The following SYBU variants were observed in gnomAD, a reference collection of about 807,000 sequenced individuals.
SYBU encodes syntabulin.
SYBU carries 21 observed loss-of-function variants against 35.9 expected under a neutral mutation model. That is an observed-to-expected ratio of 0.58 (90% CI 0.41 to 0.84). SYBU has a LOEUF of 0.84. Among genes scored for constraint, SYBU ranks in the 40% least tolerant of loss-of-function variants. SYBU has a pLI of 0.00. For missense variants in SYBU, 768 were observed against 848.2 expected (o/e 0.91, Z 1.17); for synonymous variants, 319 against 324.3 (o/e 0.98, Z 0.18).
chr8:109,624,594 T>C (rs1346417234), intron 2 of SYBU, among the ~76,000 whole-genome samples: 1 of 152,202 alleles, frequency 6.6e-6, no homozygotes, highest in Admixed American at 6.5e-5. Flanking sequence ...TCGAGTCTTC[T>C]TCCCATCGCC....
chr8:109,629,114 T>C (rs1321309115), intron 2 of SYBU, among the ~76,000 whole-genome samples: 2 of 152,120 alleles, frequency 1.3e-5, no homozygotes, highest in Non-Finnish European at 2.9e-5. Flanking sequence ...GAGAGAATGA[T>C]GATGAGGGCA....
At chr8:109,598,659 C>A (rs1350566360) in intron 3 of SYBU, among the ~76,000 whole-genome samples, 1 of 152,148 alleles carries the variant, frequency 6.6e-6, no homozygotes, top group East Asian at 1.9e-4. Flanking sequence ...TCTAATAATT[C>A]TTCCATATGG....
intron 1 of SYBU, among the ~76,000 whole-genome samples, chr8:109,676,267 G>T (rs183716266): frequency 6.6e-6 from 1 of 152,288 alleles, no homozygotes; most frequent in East Asian, 1.9e-4. Context: ...ATTCAACATA[G>T]TGTTGGAAGT....
intron 1 of SYBU, among the ~76,000 whole-genome samples, chr8:109,655,186 C>G (rs1266155283): frequency 6.6e-6 from 1 of 152,220 alleles, no homozygotes; most frequent in Non-Finnish European, 1.5e-5. Context: ...AACACACCTC[C>G]CAATCTTCAA....
intron 3 of SYBU, among the ~76,000 whole-genome samples, chr8:109,606,310 CAATAG>C (rs1338383794): frequency 6.6e-6 from 1 of 152,104 alleles, no homozygotes; most frequent in Non-Finnish European, 1.5e-5. Context: ...AATCACAATA[CAATAG>C]AAGTTAATTT....
intron 1 of SYBU, among the ~76,000 whole-genome samples, chr8:109,663,376 A>G (rs2130745102): frequency 6.6e-6 from 1 of 152,264 alleles, no homozygotes; most frequent in South Asian, 2.1e-4. Context: ...CAATGGGTCA[A>G]TACAAGATAG....
In SYBU at chr8:109,591,169, C is replaced by T. The variant is rs7826188; in HGVS notation, c.428-5007G>A. On this transcript the variant is annotated intron_variant, in intron 3 of 6. Transcript: ENST00000276646. ...AGGAGTGACATGATCCTGGGTGTGT[C>T]GAAGTGAAAAGATATCAAACACCTG... 7.1e-3 allele frequency among the ~76,000 whole-genome samples: 1,087 copies of T among 152,060 alleles called. 8 individuals carry two copies. The highest frequency in any genetic ancestry group is 0.025 in the African/African-American group (1,030 of 41,442).
At chr8:109,602,791 T>C (rs529862479) in intron 3 of SYBU, among the ~76,000 whole-genome samples, 2 of 152,302 alleles carry the variant, frequency 1.3e-5, no homozygotes, top group East Asian at 1.9e-4. Context: ...GGGTAAATTC[T>C]GGCAATTTCT....
intron 1 of SYBU, among the ~76,000 whole-genome samples, chr8:109,690,737 C>G (rs1817626535): frequency 6.6e-6 from 1 of 152,188 alleles, no homozygotes. Flanking sequence ...GTTGATACCA[C>G]CCACCATGAG....
intron 1 of SYBU, among the ~76,000 whole-genome samples, chr8:109,673,353 G>A (rs1228752755): frequency 1.3e-5 from 2 of 152,200 alleles, no homozygotes; most frequent in African/African-American, 4.8e-5. Context: ...AGCAATCTTT[G>A]CTGTTCTGCA....
chr8:109,579,151 CCCTG>C (rs1359745830), intron 5 of SYBU, among the ~76,000 whole-genome samples: 1 of 152,170 alleles, frequency 6.6e-6, no homozygotes, highest in Admixed American at 6.5e-5. Context: ...GCTGCCAGCT[CCCTG>C]AGCACCTGCC....
rs575301343 is a variant in SYBU at position 109,577,886 on chromosome 8, T to A, written c.866A>T (p.Glu289Val). The change falls in exon 6 of 7, where the codon GAG becomes GTG. Residue 289 changes from glutamate to valine, a missense_variant. Coordinates refer to ENST00000276646, the MANE Select transcript of SYBU (RefSeq NM_001099754.2). ...GATTCACCTTTCATGGAGTCGGCGC[T>A]CAGATTCCTTCAGCTTGGTTTTGAG... ...RHLKTKLKES[E>V]RRLHERESEI... 1.8e-5 allele frequency: 29 copies of A among 1,613,414 alleles called. No homozygotes were observed. In the East Asian group the frequency reaches 5.6e-4, roughly 31 times the overall value.
chr8:109,615,056 A>G (rs1454969104), intron 3 of SYBU, among the ~76,000 whole-genome samples: 1 of 152,130 alleles, frequency 6.6e-6, no homozygotes, highest in African/African-American at 2.4e-5. Flanking sequence ...TTAGCTCTTT[A>G]TCTTAATGAC....
In SYBU at chr8:109,644,801, C is replaced by CGCCACT; in HGVS notation, c.-148_-143dup. On this transcript the variant is annotated 5_prime_UTR_variant, in exon 1 of 7. Transcript: ENST00000276646. ...TGGTGAGGCTCCAACGCGCCGCCGC[C>CGCCACT]GCCACTGCCGCCGATTGCTCTGGGC... 1 of 785,934 alleles carries CGCCACT rather than the reference C, an allele frequency of 1.3e-6. No homozygotes were observed. The highest frequency in any genetic ancestry group is 1.8e-6 in the Non-Finnish European group (1 of 559,122). The allele number at this position is 785,934 out of a possible 1,614,324, so 48.7% of individuals were successfully genotyped here.
upstream of SYBU, among the ~76,000 whole-genome samples, chr8:109,682,512 C>T (rs180979556): frequency 6.6e-6 from 1 of 152,200 alleles, no homozygotes; most frequent in Admixed American, 6.5e-5. Context: ...AAACTTTGAA[C>T]TTGAGAGTGA....
upstream of SYBU, among the ~76,000 whole-genome samples, chr8:109,649,808 G>A (rs1325121413): frequency 6.6e-6 from 1 of 152,212 alleles, no homozygotes; most frequent in Non-Finnish European, 1.5e-5. Flanking sequence ...TTAGGAAAAT[G>A]AATCAGAATG....
chr8:109,578,724 G>T (rs1822653516), intron 5 of SYBU, among the ~76,000 whole-genome samples: 1 of 152,204 alleles, frequency 6.6e-6, no homozygotes, highest in South Asian at 2.1e-4. Flanking sequence ...AGCACAGTGG[G>T]TGAGGGTCAG....
intron 1 of SYBU, among the ~76,000 whole-genome samples, chr8:109,663,904 C>T (rs146009544): frequency 6.6e-6 from 1 of 152,212 alleles, no homozygotes; most frequent in African/African-American, 2.4e-5. Flanking sequence ...TGTGCAACAG[C>T]AAGAACCATA....
chr8:109,605,656 A>AT (rs1563713506), intron 3 of SYBU, among the ~76,000 whole-genome samples: 1 of 152,240 alleles, frequency 6.6e-6, no homozygotes, highest in Non-Finnish European at 1.5e-5. Context: ...AATAAGCACC[A>AT]GCAGGCTCAG....
Sources: allele counts gnomAD v4.1 joint callset (sites outside exome capture counted in the v4.1 genomes callset), GRCh38; gene constraint gnomAD v4.1.1; transcripts MANE v1.5; gene names NCBI Gene and HGNC (gene_info 2026-07-23, HGNC 2026-07-21).